Variants in CLYBL observed in about 807,000 individuals in gnomAD.
The protein encoded by CLYBL is citramalyl-CoA lyase, also known as citramalyl-CoA lyase, mitochondrial.
Under a neutral mutation model 38.9 loss-of-function variants are expected in CLYBL, and 31 were observed. The ratio of observed to expected loss-of-function variants is 0.80; its 90% confidence interval spans 0.60 to 1.08. The LOEUF (loss-of-function observed/expected upper bound fraction) is 1.08. Among genes scored for constraint, CLYBL ranks in the 50% least tolerant of loss-of-function variants. CLYBL has a pLI of 0.00. For missense variants in CLYBL, 434 were observed against 411.6 expected (o/e 1.05, Z -0.47); for synonymous variants, 171 against 158.6 (o/e 1.08, Z -0.59).
At chr13:99,780,182 A>G (rs1280335992) in intron 2 of CLYBL, among the ~76,000 whole-genome samples, 1 of 152,122 alleles carries the variant, frequency 6.6e-6, no homozygotes, top group African/African-American at 2.4e-5. Flanking sequence ...ATCTATTTCT[A>G]TGTACTGACC....
intron 2 of CLYBL, among the ~76,000 whole-genome samples, chr13:99,776,437 A>G (rs1338403525): frequency 6.6e-6 from 1 of 151,224 alleles, no homozygotes; most frequent in Non-Finnish European, 1.5e-5. Flanking sequence ...CAGAGGTTGT[A>G]GTGAGCCGAG....
intron 1 of CLYBL, among the ~76,000 whole-genome samples, chr13:99,772,155 T>C (rs1290191061): frequency 2.0e-5 from 3 of 152,218 alleles, no homozygotes; most frequent in Admixed American, 2.0e-4. Flanking sequence ...GATAGTATTG[T>C]TGTTTAGTAC....
intron 7 of CLYBL, among the ~76,000 whole-genome samples, chr13:99,873,422 CAGAT>C (rs1036462572): frequency 6.6e-6 from 1 of 152,150 alleles, no homozygotes; most frequent in Non-Finnish European, 1.5e-5. Context: ...CGTGAACCCT[CAGAT>C]ATTTTGTCCA....
At chr13:99,886,699 G>A (rs2052358333) in intron 7 of CLYBL, among the ~76,000 whole-genome samples, 2 of 152,268 alleles carry the variant, frequency 1.3e-5, no homozygotes, top group Admixed American at 6.5e-5. Flanking sequence ...TCGTATCTGT[G>A]TGAGCAGTGC....
At chr13:99,793,033 A>AAAACACACACACAC (rs368975807) in intron 2 of CLYBL, among the ~76,000 whole-genome samples, 3,232 of 145,972 alleles carry the variant, frequency 0.022, 124 homozygotes, top group African/African-American at 0.079. Context: ...GTGCATACAT[A>AAAACACACACACAC]ACACACACAC....
Position 99,814,985 on chromosome 13 carries a change from C to G in CLYBL, c.249+41975C>G, listed in dbSNP as rs1283504357. Among the ~76,000 whole-genome samples the G allele has an allele frequency of 3.9e-5, 6 of 152,092 alleles. No individual in the cohort carries two copies. In the East Asian group the frequency reaches 1.2e-3, roughly 29 times the overall value. On this transcript the variant is annotated intron_variant, in intron 2 of 8. Coordinates refer to ENST00000339105, the MANE Select transcript of CLYBL (RefSeq NM_206808.5). ...AAGACTGCGGTGAGCCATGATCACA[C>G]CACTACACTTAGCTTGGGCAACAGA...
At chr13:99,898,959 G>T (rs1300077721), downstream of CLYBL, among the ~76,000 whole-genome samples, 1 of 152,174 alleles carries the variant, frequency 6.6e-6, no homozygotes, top group African/African-American at 2.4e-5. Flanking sequence ...TGAGCTTGTG[G>T]AAAATGTATT....
intron 1 of CLYBL, among the ~76,000 whole-genome samples, chr13:99,766,335 CAT>C (rs2049268317): frequency 6.6e-6 from 1 of 152,148 alleles, no homozygotes; most frequent in Non-Finnish European, 1.5e-5. Flanking sequence ...GCTCTGCAAA[CAT>C]ATTTCTCCAT....
intron 7 of CLYBL, among the ~76,000 whole-genome samples, chr13:99,887,857 G>A (rs866891494): frequency 6.7e-6 from 1 of 148,804 alleles, no homozygotes; most frequent in Non-Finnish European, 1.5e-5. Flanking sequence ...GGGATTTGGG[G>A]TTTTTTTTTT....
chr13:99,663,272 C>A (rs940700627), intron 1 of CLYBL, among the ~76,000 whole-genome samples: 3 of 152,186 alleles, frequency 2.0e-5, no homozygotes, highest in Non-Finnish European at 2.9e-5. Flanking sequence ...TGATACTAGC[C>A]CCATGTGTGG....
At chr13:99,696,704 G>A (rs1810339872) in intron 1 of CLYBL, among the ~76,000 whole-genome samples, 1 of 151,824 alleles carries the variant, frequency 6.6e-6, no homozygotes, top group Admixed American at 6.6e-5. Flanking sequence ...CAGCACTTTG[G>A]GAGGCTAAGG....
At chr13:99,896,163 C>CCCGCCCGCCGCGGG (rs890123157), downstream of CLYBL, 1 of 151,588 alleles carries the variant, frequency 6.6e-6, no homozygotes, top group African/African-American at 2.4e-5. Context: ...GCCCTGCTCG[C>CCCGCCCGCCGCGGG]CCGCCCGCCG....
At chr13:99,903,204 G>A (rs1275012439) in intron 8 of CLYBL, among the ~76,000 whole-genome samples, 1 of 152,192 alleles carries the variant, frequency 6.6e-6, no homozygotes, top group African/African-American at 2.4e-5. Flanking sequence ...TGGAGACATG[G>A]TCTTCAATAA....
chr13:99,831,280 C>T (rs2050798330), intron 2 of CLYBL, among the ~76,000 whole-genome samples: 3 of 152,048 alleles, frequency 2.0e-5, no homozygotes, highest in Admixed American at 1.3e-4. Flanking sequence ...TTATGGTGGC[C>T]CTAAGAAACT....
At chr13:99,858,345 G>GC (rs1177308779) in intron 2 of CLYBL, among the ~76,000 whole-genome samples, 1 of 152,084 alleles carries the variant, frequency 6.6e-6, no homozygotes, top group Non-Finnish European at 1.5e-5. Context: ...CAACTCAGTT[G>GC]CAAAAAAATA....
chr13:99,639,113 T>C (rs1214378664), intron 1 of CLYBL, among the ~76,000 whole-genome samples: 2 of 152,196 alleles, frequency 1.3e-5, no homozygotes, highest in Non-Finnish European at 2.9e-5. Context: ...ATAAAGGCCA[T>C]TGGAAAACCG....
rs4001024 is a variant in CLYBL, at chr13:99,716,169, A to ATTTTTTTTTTTTTTTT, written c.63-56632_63-56617dup. Among the ~76,000 whole-genome samples, 36 of 33,464 alleles carry ATTTTTTTTTTTTTTTT rather than the reference A, an allele frequency of 1.1e-3. 12 individuals are homozygous for ATTTTTTTTTTTTTTTT. Among genetic ancestry groups the ATTTTTTTTTTTTTTTT allele is most frequent in the Non-Finnish European group, 1.7e-3 (28 of 16,382 alleles). 22.0% of individuals were successfully genotyped at this position (33,464 alleles called of 152,430 possible). Reference sequence around the variant, plus strand: ...AAATTGTCCTTGCTTTATTGGTGTAATTTTTTTTTTTTTTTTTTTTTTTTT... The same window carrying ATTTTTTTTTTTTTTTT: ...AAATTGTCCTTGCTTTATTGGTGTAATTTTTTTTTTTTTTTTTTTTTTTTTTTTTTTTTTTTTTTTT... On this transcript the variant is annotated intron_variant, in intron 1 of 8. Transcript: ENST00000339105.
intron 1 of CLYBL, among the ~76,000 whole-genome samples, chr13:99,689,206 A>G (rs1048040925): frequency 6.6e-6 from 1 of 152,228 alleles, no homozygotes; most frequent in African/African-American, 2.4e-5. Context: ...TCATTACTGC[A>G]AAGTGGATAT....
At chr13:99,773,051 A>C in intron 2 of CLYBL, 41 bp downstream of exon 2, 1 of 1,565,216 alleles carries the variant, frequency 6.4e-7, no homozygotes, top group South Asian at 1.2e-5. Flanking sequence ...AAAGGTATTG[A>C]AATTTGCTTC....
Sources: gnomAD v4.1 joint callset for allele counts (sites outside exome capture counted in the v4.1 genomes callset) on GRCh38, gnomAD v4.1.1 for gene constraint, MANE v1.5 for transcripts, NCBI Gene and HGNC (gene_info 2026-07-23, HGNC 2026-07-21) for gene names.